Variants in MED1 observed in about 807,000 individuals in gnomAD.
The protein encoded by MED1 is mediator complex subunit 1, also known as mediator of RNA polymerase II transcription subunit 1.
Under a neutral mutation model 121.3 loss-of-function variants are expected in MED1, and 17 were observed. The ratio of observed to expected loss-of-function variants is 0.14; its 90% CI spans 0.10 to 0.21. The LOEUF (loss-of-function observed/expected upper bound fraction) is 0.21, where lower values mean the gene tolerates loss of function less well. Among genes scored for constraint, MED1 ranks in the 10% least tolerant of loss-of-function variants. MED1 has a pLI of 1.00. For synonymous variants in MED1, 661 were observed against 694.4 expected (o/e 0.95, Z 0.76); for missense variants, 1,558 against 1,919.4 (o/e 0.81, Z 3.52).
chr17:39,409,794 A>C lies in MED1; in HGVS notation c.2427T>G (p.Asp809Glu). 1.2e-6 allele frequency: 2 copies of C among 1,614,198 alleles called. No individual in the cohort carries two copies. The highest frequency in any genetic ancestry group is 1.7e-6 in the Non-Finnish European group (2 of 1,180,024). Reference sequence around the variant, plus strand: ...TCTGAGAATGCCCAGAGCTTGAAGAATCTCGAAGAGGGGTGCCAATGGCTG... The same window carrying C: ...TCTGAGAATGCCCAGAGCTTGAAGACTCTCGAAGAGGGGTGCCAATGGCTG... Reference protein sequence around the residue: ...DCPAIGTPLRDSSSSGHSQST... With the variant: ...DCPAIGTPLRESSSSGHSQST... The change falls in exon 17 of 17, where the codon GAT becomes GAG. Residue 809 changes from aspartate (D) to glutamate (E), a missense_variant. Transcript: ENST00000300651.
intron 3 of MED1, among the ~76,000 whole-genome samples, chr17:39,442,667 G>A (rs2048689792): frequency 6.7e-6 from 1 of 150,150 alleles, no homozygotes; most frequent in South Asian, 2.1e-4. Context: ...AGAACTTTGG[G>A]AGGCCAAGGT....
chr17:39,447,728 A>G lies in MED1; in HGVS notation c.132+70T>C, dbSNP rs2048742028. On this transcript the variant is annotated intron_variant, in intron 2 of 16. Coordinates refer to ENST00000300651, the MANE Select transcript of MED1 (RefSeq NM_004774.4). Reference sequence around the variant, plus strand: ...ATGAAGATAGTATGAACACATCTACATGGGGAGCTTAGCGTATTAAGAATA... The same window carrying G: ...ATGAAGATAGTATGAACACATCTACGTGGGGAGCTTAGCGTATTAAGAATA... The G allele has an allele frequency of 9.6e-5, 108 of 1,129,482 alleles. 1 individual carries two copies. The South Asian group carries it at 1.4e-3, about 14-fold the overall frequency. The allele number at this position is 1,129,482 out of a possible 1,614,324, so 70.0% of individuals were successfully genotyped here. A position where few individuals can be genotyped will look rare whatever the true frequency, so the allele number is the denominator to read the frequency against.
At chr17:39,413,912 T>TAAAA (rs66489961) in intron 16 of MED1, among the ~76,000 whole-genome samples, 110 of 69,782 alleles carry the variant, frequency 1.6e-3, no homozygotes, top group Middle Eastern at 9.6e-3. Flanking sequence ...GTAATATCAT[T>TAAAA]AAAAAAAAAA....
In MED1 at chr17:39,407,249, G is replaced by A; in HGVS notation, c.*226C>T. On this transcript the variant is annotated 3_prime_UTR_variant, in exon 17 of 17. Transcript: ENST00000300651. ...AGCAAGTATTTTAACTTTCTTTCTG[G>A]CACAGGAACAAAGAAGACTTCCTGG... 9.0e-7 allele frequency: 1 copy of A among 1,116,390 alleles called. No individual in the cohort carries two copies. Among genetic ancestry groups the A allele is most frequent in the Non-Finnish European group, 1.1e-6 (1 of 928,276 alleles). The allele number at this position is 1,116,390 out of a possible 1,614,324, so 69.2% of individuals were successfully genotyped here. A position where few individuals can be genotyped will look rare whatever the true frequency, so the allele number is the denominator to read the frequency against.
At position 39,404,315 on chromosome 17, in the gene MED1, GTAAA is replaced by G. The variant is rs1258350795; in HGVS notation, c.*3156_*3159del. ...TTTTATCAAAGAAGTTTATTTGCAT[GTAAA>G]TAAACAGGTTATTTTGTAATGTTTC... On this transcript the variant is annotated 3_prime_UTR_variant, in exon 17 of 17. Transcript: ENST00000300651. 4 of 152,066 alleles carry G rather than the reference GTAAA, an allele frequency of 2.6e-5. No individual in the cohort carries two copies. The highest frequency in any genetic ancestry group is 5.9e-5 in the Non-Finnish European group (4 of 67,988). 9.4% of individuals were successfully genotyped at this position (152,066 alleles called of 1,614,324 possible). A position where few individuals can be genotyped will look rare whatever the true frequency, so the allele number is the denominator to read the frequency against.
chr17:39,405,285 G>T lies in MED1; in HGVS notation c.*2190C>A. On this transcript the variant is annotated 3_prime_UTR_variant, in exon 17 of 17. Coordinates refer to ENST00000300651, the MANE Select transcript of MED1 (RefSeq NM_004774.4). ...AATTCAGGGGCTTATCCTTCATCCA[G>T]ATCCTAACTCGGGATTCTTTGATCT... The T allele has an allele frequency of 6.2e-7, 1 of 1,605,384 alleles. No homozygotes were observed. Among genetic ancestry groups the T allele is most frequent in the Non-Finnish European group, 8.5e-7 (1 of 1,176,510 alleles).
At chr17:39,429,098 T>G (rs1032109362) in intron 9 of MED1, among the ~76,000 whole-genome samples, 11 of 151,418 alleles carry the variant, frequency 7.3e-5, no homozygotes, top group African/African-American at 2.7e-4. Context: ...GGCTGGAGGA[T>G]CACTTGAAGC....
At chr17:39,428,695 G>A (rs1219320642) in intron 9 of MED1, among the ~76,000 whole-genome samples, 1 of 152,014 alleles carries the variant, frequency 6.6e-6, no homozygotes, top group Non-Finnish European at 1.5e-5. Flanking sequence ...GCACACACCT[G>A]TAATCCCAGC....
Position 39,440,451 on chromosome 17 carries a change from C to A in MED1, c.334G>T (p.Val112Leu). Reference sequence around the variant, plus strand: ...AGCTGTCCTGCAGGATCTAACTGCACTTCCACATAGAACATATCTGACGTG... The same window carrying A: ...AGCTGTCCTGCAGGATCTAACTGCAATTCCACATAGAACATATCTGACGTG... Reference protein sequence around the residue: ...YITSDMFYVEVQLDPAGQLCD... With the variant: ...YITSDMFYVELQLDPAGQLCD... Residue 112 changes from valine (V) to leucine (L), a missense_variant, in exon 5 of 17, where the codon GTG (valine) becomes TTG (leucine). By Grantham distance (32) the Val-to-Leu change is conservative (BLOSUM62 1). This residue lies in a region of MED1 where 443 missense variants were observed against 532.4 expected (regional missense o/e 0.83). Coordinates refer to ENST00000300651, the MANE Select transcript of MED1 (RefSeq NM_004774.4). The surrounding 1 kb of genome is among the most constrained non-coding windows in gnomAD (Gnocchi z 4.1). 6.3e-7 allele frequency: 1 copy of A among 1,597,058 alleles called. No homozygotes were observed. The highest frequency in any genetic ancestry group is 1.9e-5 in the Admixed American group (1 of 53,818).
At chr17:39,447,685 C>T in intron 2 of MED1, 113 bp downstream of exon 2, 2 of 682,816 alleles carry the variant, frequency 2.9e-6, no homozygotes, top group South Asian at 4.5e-5. Flanking sequence ...TTGAAACCAC[C>T]ATGTATTCAG....
Position 39,409,314 on chromosome 17 carries a change from T to C in MED1, c.2907A>G (p.Gln969=), listed in dbSNP as rs200390103. 34 of 1,614,092 alleles carry C rather than the reference T, an allele frequency of 2.1e-5. No individual in the cohort carries two copies. The African/African-American group carries it at 3.9e-4, about 18-fold the overall frequency. Residue 969 remains glutamine (Q), a synonymous_variant, in exon 17 of 17, where the codon CAA becomes CAG. Coordinates refer to ENST00000300651, the MANE Select transcript of MED1 (RefSeq NM_004774.4). Reference sequence around the variant, plus strand: ...TGCCATTGCCTTCCTTTACCCTCTTTTGAGTCTTTTCTTTCCCTAAGTCCC... The same window carrying C: ...TGCCATTGCCTTCCTTTACCCTCTTCTGAGTCTTTTCTTTCCCTAAGTCCC... ...TTGDLGKEKT[Q]KRVKEGNGTS...
rs2048293423 is a variant in MED1, at chr17:39,405,182, C to T, written c.*2293G>A. The T allele has an allele frequency of 6.5e-7, 1 of 1,528,152 alleles. No homozygotes were observed. Among genetic ancestry groups the T allele is most frequent in the African/African-American group, 1.4e-5 (1 of 72,728 alleles). The allele number at this position is 1,528,152 out of a possible 1,614,324, so 94.7% of individuals were successfully genotyped here. On this transcript the variant is annotated 3_prime_UTR_variant, in exon 17 of 17. Transcript: ENST00000300651. ...AATGCAGTGCTCCCTGGTTCTCAGGCAGGGTGAAGCAGTTTAGCCCCGGCT... is the reference window on the plus strand; with the variant it reads ...AATGCAGTGCTCCCTGGTTCTCAGGTAGGGTGAAGCAGTTTAGCCCCGGCT...
At chr17:39,450,758 C>T (rs575728275) in intron 1 of MED1, among the ~76,000 whole-genome samples, 4 of 152,106 alleles carry the variant, frequency 2.6e-5, no homozygotes, top group African/African-American at 9.7e-5. Flanking sequence ...GAGATGTAAG[C>T]TGATTTTGTA....
Position 39,429,702 on chromosome 17 carries a change from T to TAAA in MED1, c.649+1410_649+1412dup, listed in dbSNP as rs757034804. Among the ~76,000 whole-genome samples the TAAA allele has an allele frequency of 6.9e-3, 339 of 48,932 alleles. 6 individuals carry two copies. The highest frequency in any genetic ancestry group is 0.029 in the African/African-American group (296 of 10,042). 32.1% of individuals were successfully genotyped at this position (48,932 alleles called of 152,430 possible). ...CAGAGCAAGACTCTGCCTAAATGCCTAAAAAAAAAAAAAAAAAAAAAAAAA... is the reference window on the plus strand; with the variant it reads ...CAGAGCAAGACTCTGCCTAAATGCCTAAAAAAAAAAAAAAAAAAAAAAAAAAAA... On this transcript the variant is annotated intron_variant, in intron 9 of 16. Coordinates refer to ENST00000300651, the MANE Select transcript of MED1 (RefSeq NM_004774.4).
chr17:39,404,992 A>G lies in MED1; in HGVS notation c.*2483T>C, dbSNP rs1361691618. 4.6e-6 allele frequency: 2 copies of G among 430,504 alleles called. No individual in the cohort carries two copies. Among genetic ancestry groups the G allele is most frequent in the Non-Finnish European group, 8.2e-6 (2 of 243,986 alleles). The allele number at this position is 430,504 out of a possible 1,614,324, so 26.7% of individuals were successfully genotyped here. A position where few individuals can be genotyped will look rare whatever the true frequency, so the allele number is the denominator to read the frequency against. ...ATGTTAAGTCAAAAGACAGAAGAGGAATCAGGTCAAACTGAGAATACATAA... is the reference window on the plus strand; with the variant it reads ...ATGTTAAGTCAAAAGACAGAAGAGGGATCAGGTCAAACTGAGAATACATAA... On this transcript the variant is annotated 3_prime_UTR_variant, in exon 17 of 17. Coordinates refer to ENST00000300651, the MANE Select transcript of MED1 (RefSeq NM_004774.4).
At chr17:39,449,100 A>G (rs1418944691) in intron 1 of MED1, among the ~76,000 whole-genome samples, 1 of 151,852 alleles carries the variant, frequency 6.6e-6, no homozygotes, top group Non-Finnish European at 1.5e-5. Context: ...CACTGGCACA[A>G]TCAAGGCCTA....
chr17:39,405,149 T>A lies in MED1; in HGVS notation c.*2326A>T. 1 of 1,454,566 alleles carries A rather than the reference T, an allele frequency of 6.9e-7. No homozygotes were observed. The highest frequency in any genetic ancestry group is 9.2e-7 in the Non-Finnish European group (1 of 1,082,284). 90.1% of individuals were successfully genotyped at this position (1,454,566 alleles called of 1,614,324 possible). A position where few individuals can be genotyped will look rare whatever the true frequency, so the allele number is the denominator to read the frequency against. On this transcript the variant is annotated 3_prime_UTR_variant, in exon 17 of 17. Coordinates refer to ENST00000300651, the MANE Select transcript of MED1 (RefSeq NM_004774.4). The stretch of plus-strand genomic sequence containing the variant: ...TTATTCTGCCTCTTCTCCTCCACCC[T>A]GTGGAGAAATGCAGTGCTCCCTGGT...
chr17:39,431,082 A>G, intron 9 of MED1, 33 bp downstream of exon 9: 1 of 1,535,882 alleles, frequency 6.5e-7, no homozygotes. Context: ...TAAATTACAC[A>G]TGTTTCTAAA....
intron 2 of MED1, among the ~76,000 whole-genome samples, chr17:39,444,652 T>C (rs1171543026): frequency 2.6e-5 from 4 of 151,784 alleles, no homozygotes; most frequent in Non-Finnish European, 5.9e-5. Context: ...GAGCAGATCA[T>C]GAGGTCAGGA....
Sources: allele counts gnomAD v4.1 joint callset (sites outside exome capture counted in the v4.1 genomes callset), GRCh38; gene constraint gnomAD v4.1.1; regional missense constraint gnomAD v4.1.1; non-coding constraint Gnocchi (gnomAD v3.1); transcripts MANE v1.5; gene names NCBI Gene and HGNC (gene_info 2026-07-23, HGNC 2026-07-21).